The following SH3KBP1 variants were observed in gnomAD, a reference collection of about 807,000 sequenced individuals.
SH3KBP1 encodes the protein SH3 domain containing kinase binding protein 1, also known as SH3 domain-containing kinase-binding protein 1.
A neutral mutation model predicts 50.1 loss-of-function variants in SH3KBP1; 8 were observed. The ratio of observed to expected loss-of-function variants is 0.16; its 90% CI spans 0.09 to 0.29. SH3KBP1 has a LOEUF of 0.29. Ranked by LOEUF, SH3KBP1 falls within the 10% of genes least tolerant of loss-of-function variation. The probability of loss-of-function intolerance (pLI) is 1.00; values close to 1 mark genes in which losing one functional copy is unlikely to be tolerated. For missense variants in SH3KBP1, 377 were observed against 535.2 expected (o/e 0.70, Z 2.92); for synonymous variants, 227 against 218.6 (o/e 1.04, Z -0.34).
intron 1 of SH3KBP1, among the ~76,000 whole-genome samples, chrX:19,884,227 A>C (rs2069526702): frequency 8.9e-6 from 1 of 112,735 alleles, no homozygotes; most frequent in East Asian, 2.8e-4. Flanking sequence ...TGAGAATTGC[A>C]TTCAAGTCAG....
chrX:19,873,289 TGTATATATATATATATATATATAC>T (rs1469195873), intron 1 of SH3KBP1, among the ~76,000 whole-genome samples: 1 of 75,210 alleles, frequency 1.3e-5, no homozygotes, highest in African/African-American at 5.5e-5. Context: ...TATATATATA[TGTATATATATATATATATATATAC>T]ATATACATAT....
intron 8 of SH3KBP1, among the ~76,000 whole-genome samples, chrX:19,608,306 C>CTTTTTTTTTTTTTTT (rs57794070): frequency 1.1e-5 from 1 of 87,296 alleles, no homozygotes; most frequent in African/African-American, 4.7e-5. Flanking sequence ...TTCTTTCTTT[C>CTTTTTTTTTTTTTTT]TTTTTTTTTT....
chrX:19,571,368 A>G (rs1355024566), intron 12 of SH3KBP1, among the ~76,000 whole-genome samples: 1 of 111,788 alleles, frequency 8.9e-6, no homozygotes, highest in African/African-American at 3.3e-5. Flanking sequence ...AGGTTTCCAC[A>G]GCAGACTCCC....
chrX:19,609,446 C>T lies in SH3KBP1; in HGVS notation c.898-1401G>A, dbSNP rs1419481481. On this transcript the variant is annotated intron_variant, in intron 8 of 17. Transcript: ENST00000397821. Reference sequence around the variant, plus strand: ...TTTGTCCTATAGCAGACTCCCAAGTCTCGTGATCAACAACTTCCAGCTGAA... The same window carrying T: ...TTTGTCCTATAGCAGACTCCCAAGTTTCGTGATCAACAACTTCCAGCTGAA... Among the ~76,000 whole-genome samples, 4 of 112,036 alleles carry T rather than the reference C, an allele frequency of 3.6e-5. No individual in the cohort carries two copies. The Admixed American group carries it at 3.8e-4, about 11-fold the overall frequency.
chrX:19,543,646 A>C (rs2147571712), intron 15 of SH3KBP1, among the ~76,000 whole-genome samples: 1 of 111,617 alleles, frequency 9.0e-6, no homozygotes, highest in East Asian at 2.8e-4. Flanking sequence ...CGGAAGCCTC[A>C]GGGGGAGGTG....
chrX:19,770,836 T>C (rs1409860668), intron 2 of SH3KBP1, among the ~76,000 whole-genome samples: 3 of 111,626 alleles, frequency 2.7e-5, no homozygotes, highest in Admixed American at 9.5e-5. Context: ...GTTGGTCACA[T>C]GCAGGTCTTC....
At chrX:19,832,924 G>A (rs1053768319) in intron 2 of SH3KBP1, among the ~76,000 whole-genome samples, 5 of 112,481 alleles carry the variant, frequency 4.4e-5, no homozygotes, top group Non-Finnish European at 9.4e-5. Flanking sequence ...TCCCTCCACA[G>A]TCACTGACAG....
At chrX:19,714,502 ATTT>A (rs2063855294) in intron 3 of SH3KBP1, among the ~76,000 whole-genome samples, 1 of 102,383 alleles carries the variant, frequency 9.8e-6, no homozygotes, top group Admixed American at 1.1e-4. Flanking sequence ...TAAAAATAAA[ATTT>A]ATTTAAAAAA....
chrX:19,821,818 C>T (rs892716227), intron 2 of SH3KBP1, among the ~76,000 whole-genome samples: 5 of 112,239 alleles, frequency 4.5e-5, no homozygotes, highest in African/African-American at 9.7e-5. Context: ...CGTGAGCCAC[C>T]GTGCCCAGCC....
At position 19,788,718 on chromosome X, in the gene SH3KBP1, A is replaced by G. The variant is rs191987300; in HGVS notation, c.163-42277T>C. Among the ~76,000 whole-genome samples the G allele has an allele frequency of 1.8e-3, 202 of 112,528 alleles. 2 individuals are homozygous for G. The highest frequency in any genetic ancestry group is 6.2e-3 in the African/African-American group (192 of 30,945). Reference sequence around the variant, plus strand: ...ATGTTAACAGATGAAAAGGATGAAAAGGGTTACTCAAAAGAAAATACTTCA... The same window carrying G: ...ATGTTAACAGATGAAAAGGATGAAAGGGGTTACTCAAAAGAAAATACTTCA... On this transcript the variant is annotated intron_variant, in intron 2 of 17. Transcript: ENST00000397821.
chrX:19,852,161 A>G (rs1741695356), intron 1 of SH3KBP1, among the ~76,000 whole-genome samples: 1 of 111,150 alleles, frequency 9.0e-6, no homozygotes, highest in African/African-American at 3.3e-5. Flanking sequence ...TAAGGAAGCC[A>G]ATTTGCACTG....
rs1216404681 is a variant in SH3KBP1, at chrX:19,696,386, T to C, written c.391-645A>G. On this transcript the variant is annotated intron_variant, in intron 4 of 17. Transcript: ENST00000397821. ...AAACTAACTAAACAGCCTAAAAAAA[T>C]ATAGTTAAGAATTTATCTGTAGGCT... Among the ~76,000 whole-genome samples the C allele has an allele frequency of 1.1e-4, 12 of 111,857 alleles. No homozygotes were observed. The Admixed American group carries it at 1.1e-3, about 11-fold the overall frequency.
At chrX:19,632,269 C>T (rs73631364) in intron 7 of SH3KBP1, among the ~76,000 whole-genome samples, 10,576 of 111,318 alleles carry the variant, frequency 0.095, 1,128 homozygotes, top group African/African-American at 0.32. Flanking sequence ...AGACATATAC[C>T]ATTTTATATA....
chrX:19,563,972 T>C (rs771670470), intron 13 of SH3KBP1, among the ~76,000 whole-genome samples: 26 of 111,570 alleles, frequency 2.3e-4, no homozygotes, highest in African/African-American at 8.5e-4. Flanking sequence ...CCAAGTGTCA[T>C]TCATGGGTTT....
chrX:19,882,654 T>C (rs1202284407), intron 1 of SH3KBP1, among the ~76,000 whole-genome samples: 1 of 111,918 alleles, frequency 8.9e-6, no homozygotes. Flanking sequence ...ACTAAGTCTG[T>C]GGTAGGTACA....
chrX:19,777,716 A>G (rs73461655), intron 2 of SH3KBP1, among the ~76,000 whole-genome samples: 2,798 of 111,154 alleles, frequency 0.025, 88 homozygotes, highest in African/African-American at 0.086. Context: ...CTTGGAAGCA[A>G]TTGCAGGGGA....
At chrX:19,549,861 A>G in intron 14 of SH3KBP1, 113 bp downstream of exon 14, 1 of 526,604 alleles carries the variant, frequency 1.9e-6, no homozygotes, top group Non-Finnish European at 3.2e-6. Context: ...TCCCTCTCCC[A>G]GGGTGTCCTC....
chrX:19,835,039 A>C (rs1057492342), intron 2 of SH3KBP1, among the ~76,000 whole-genome samples: 1 of 99,582 alleles, frequency 1.0e-5, no homozygotes, highest in African/African-American at 3.7e-5. Flanking sequence ...AGACTGTCTC[A>C]AAAAAAAAAA....
chrX:19,587,006 C>T (rs1330840853), intron 12 of SH3KBP1, among the ~76,000 whole-genome samples: 3 of 110,438 alleles, frequency 2.7e-5, no homozygotes, highest in African/African-American at 9.9e-5. Context: ...GTGAATCACC[C>T]GAGGTCGGGA....
Sources: gnomAD v4.1 joint callset for allele counts (sites outside exome capture counted in the v4.1 genomes callset) on GRCh38, gnomAD v4.1.1 for gene constraint, MANE v1.5 for transcripts, NCBI Gene and HGNC (gene_info 2026-07-23, HGNC 2026-07-21) for gene names.